AGBL1: variants seen among roughly 807,000 people sequenced by gnomAD.
The protein encoded by AGBL1 is cytosolic carboxypeptidase 4.
AGBL1 carries 130 observed loss-of-function variants against 118.9 expected under a neutral mutation model. The ratio of observed to expected loss-of-function variants is 1.09; its 90% CI spans 0.95 to 1.26. The LOEUF (loss-of-function observed/expected upper bound fraction) is 1.26. Among genes scored for constraint, AGBL1 ranks in the 50% most tolerant of loss-of-function variants. The pLI is 0.00. For missense variants in AGBL1, 1,584 were observed against 1,298.1 expected (o/e 1.22, Z -3.38); for synonymous variants, 555 against 478.9 (o/e 1.16, Z -2.08).
intron 22 of AGBL1, among the ~76,000 whole-genome samples, chr15:86,860,672 T>C (rs1185188358): frequency 6.6e-6 from 1 of 152,050 alleles, no homozygotes; most frequent in Admixed American, 6.6e-5. Flanking sequence ...TTATTTTTGG[T>C]AGTTCCTGCC....
chr15:86,852,263 C>G (rs1368654956), intron 22 of AGBL1, among the ~76,000 whole-genome samples: 1 of 152,220 alleles, frequency 6.6e-6, no homozygotes, highest in African/African-American at 2.4e-5. Flanking sequence ...ACTTATAAAA[C>G]CATCAGGTCC....
At chr15:86,849,651 G>A (rs1347408849) in intron 22 of AGBL1, among the ~76,000 whole-genome samples, 1 of 151,982 alleles carries the variant, frequency 6.6e-6, no homozygotes, top group African/African-American at 2.4e-5. Context: ...CTAGAATAGA[G>A]AGAGTAGCAG....
At chr15:86,476,478 CAAAG>C (rs2082560703) in intron 18 of AGBL1, among the ~76,000 whole-genome samples, 1 of 152,030 alleles carries the variant, frequency 6.6e-6, no homozygotes, top group African/African-American at 2.4e-5. Flanking sequence ...TCAAAAGAGA[CAAAG>C]AAGGCCATTA....
chr15:86,835,807 G>A (rs1010141480), intron 22 of AGBL1, among the ~76,000 whole-genome samples: 3 of 152,130 alleles, frequency 2.0e-5, no homozygotes, highest in African/African-American at 7.2e-5. Flanking sequence ...AAGGAGGTAG[G>A]TGTGGAGCAG....
chr15:86,400,686 T>G (rs2141995880), intron 18 of AGBL1, among the ~76,000 whole-genome samples: 1 of 151,546 alleles, frequency 6.6e-6, no homozygotes, highest in South Asian at 2.1e-4. Context: ...TAGCTCCCAC[T>G]TACAAATGAT....
intron 21 of AGBL1, among the ~76,000 whole-genome samples, chr15:86,661,623 A>G (rs73443570): frequency 0.014 from 2,149 of 152,092 alleles, 59 homozygotes; most frequent in African/African-American, 0.049. Context: ...TTTACATGCA[A>G]TAAGAGGAGA....
intron 22 of AGBL1, among the ~76,000 whole-genome samples, chr15:86,896,397 TA>T (rs79782840): frequency 0.025 from 3,690 of 146,136 alleles, 38 homozygotes; most frequent in East Asian, 0.029. Flanking sequence ...ACCCTGGGTT[TA>T]AAAAAAAAAA....
At chr15:86,279,284 G>A (rs575170243) in intron 15 of AGBL1, among the ~76,000 whole-genome samples, 27 of 152,278 alleles carry the variant, frequency 1.8e-4, no homozygotes, top group African/African-American at 5.8e-4. Flanking sequence ...TAAAGTTTAT[G>A]TCTCCAATTG....
chr15:86,349,524 A>G (rs909787923), intron 17 of AGBL1, among the ~76,000 whole-genome samples: 2 of 152,254 alleles, frequency 1.3e-5, no homozygotes, highest in African/African-American at 4.8e-5. Context: ...ATGTCAAGTA[A>G]TTTGTTAACT....
At chr15:86,227,762 A>G (rs1256641929) in intron 6 of AGBL1, among the ~76,000 whole-genome samples, 1 of 152,244 alleles carries the variant, frequency 6.6e-6, no homozygotes, top group East Asian at 1.9e-4. Flanking sequence ...AGCCTCATTC[A>G]TATGGGTTCA....
chr15:86,646,526 G>A (rs2085282027), intron 21 of AGBL1, among the ~76,000 whole-genome samples: 1 of 152,158 alleles, frequency 6.6e-6, no homozygotes, highest in Admixed American at 6.5e-5. Flanking sequence ...GGAAAGGGAT[G>A]TGTCTCATGT....
At chr15:87,006,785 A>G (rs2081509298) in intron 24 of AGBL1, among the ~76,000 whole-genome samples, 1 of 152,158 alleles carries the variant, frequency 6.6e-6, no homozygotes, top group African/African-American at 2.4e-5. Flanking sequence ...TGGGAGCTGT[A>G]GACTGGAGCT....
chr15:86,368,288 G>A (rs1264185876), intron 17 of AGBL1, among the ~76,000 whole-genome samples: 2 of 151,706 alleles, frequency 1.3e-5, no homozygotes, highest in Non-Finnish European at 2.9e-5. Flanking sequence ...GAGGGAGAGA[G>A]ATAAACATAA....
chr15:86,319,364 A>G (rs1040772016), intron 17 of AGBL1, among the ~76,000 whole-genome samples: 2 of 152,136 alleles, frequency 1.3e-5, no homozygotes, highest in African/African-American at 4.8e-5. Context: ...ATGTGATGGT[A>G]TCTCATTGTA....
intron 17 of AGBL1, among the ~76,000 whole-genome samples, chr15:86,303,202 A>G (rs2079782228): frequency 6.6e-6 from 1 of 152,216 alleles, no homozygotes; most frequent in Admixed American, 6.5e-5. Context: ...AGTTGTGGAT[A>G]ATAATACTTT....
intron 17 of AGBL1, chr15:86,297,005 T>C (rs2065918365): frequency 6.6e-6 from 1 of 152,130 alleles, no homozygotes; most frequent in African/African-American, 2.4e-5. Context: ...GTGGAGAGTA[T>C]TCTTACTTTA....
intron 18 of AGBL1, among the ~76,000 whole-genome samples, chr15:86,513,942 G>A (rs945483799): frequency 6.6e-6 from 1 of 151,898 alleles, no homozygotes; most frequent in Non-Finnish European, 1.5e-5. Flanking sequence ...TATATATTCT[G>A]TTCCAGACTG....
rs546540689 is a variant in AGBL1, at chr15:86,607,053, G to A, written c.2994+52516G>A. ...GCCATTTCCAGAATGTCATATAGTTGGAATGATACAGTATGAAGCCTTTTC... is the reference window on the plus strand; with the variant it reads ...GCCATTTCCAGAATGTCATATAGTTAGAATGATACAGTATGAAGCCTTTTC... On this transcript the variant is annotated intron_variant, in intron 21 of 22. Transcript: ENST00000614907. 2.6e-5 allele frequency among the ~76,000 whole-genome samples: 4 copies of A among 152,114 alleles called. No individual in the cohort carries two copies. In the South Asian group the frequency reaches 6.3e-4, roughly 24 times the overall value.
chr15:86,226,102 A>G (rs1196569627), intron 6 of AGBL1, among the ~76,000 whole-genome samples: 1 of 152,124 alleles, frequency 6.6e-6, no homozygotes, highest in Non-Finnish European at 1.5e-5. Flanking sequence ...AGGTGGTAAG[A>G]GCAGGATAGG....
Sources: gnomAD v4.1 joint callset for allele counts (sites outside exome capture counted in the v4.1 genomes callset) on GRCh38, gnomAD v4.1.1 for gene constraint, MANE v1.5 for transcripts, NCBI Gene and HGNC (gene_info 2026-07-23, HGNC 2026-07-21) for gene names.